The following SEC14L1 variants were observed in gnomAD, a reference collection of about 807,000 sequenced individuals.
SEC14L1 encodes the protein SEC14-like protein 1.
A neutral mutation model predicts 85.3 loss-of-function variants in SEC14L1; 48 were observed. That is an observed-to-expected ratio of 0.56 (90% CI 0.45 to 0.72). The LOEUF (loss-of-function observed/expected upper bound fraction) is 0.72. Ranked by LOEUF, SEC14L1 falls within the 30% of genes least tolerant of loss-of-function variation. SEC14L1 has a pLI of 0.00. For missense variants in SEC14L1, 682 were observed against 921.4 expected, an observed-to-expected ratio of 0.74 and a Z score of 3.36; for synonymous variants, 391 against 355.5, an observed-to-expected ratio of 1.10 and a Z score of -1.12.
intron 8 of SEC14L1, chr17:77,199,039 C>G (rs190354412): frequency 7.4e-6 from 1 of 135,340 alleles, no homozygotes; most frequent in East Asian, 2.3e-4. Context: ...GAGTTTCGCT[C>G]TTGTTGCCCA....
Position 77,166,524 on chromosome 17 carries a change from A to G in SEC14L1, c.63+22865A>G, listed in dbSNP as rs537822308. Among the ~76,000 whole-genome samples, 12 of 152,234 alleles carry G rather than the reference A, an allele frequency of 7.9e-5. No homozygotes were observed. The East Asian group carries it at 2.3e-3, about 29-fold the overall frequency. ...GTTTTCTCATTTTAAAATGGGAGAA[A>G]CACTTATGTCATGGAAAGATGAGAC... On this transcript the variant is annotated intron_variant, in intron 3 of 16. Coordinates refer to ENST00000436233, the MANE Select transcript of SEC14L1 (RefSeq NM_001143998.2).
At chr17:77,172,173 A>T (rs1974548787) in intron 3 of SEC14L1, among the ~76,000 whole-genome samples, 1 of 152,102 alleles carries the variant, frequency 6.6e-6, no homozygotes, top group African/African-American at 2.4e-5. Flanking sequence ...CTCCTGAATC[A>T]ATGAAAAAGG....
In SEC14L1 at chr17:77,205,104, T is replaced by G. The variant is rs1052727040; in HGVS notation, c.1099-172T>G. 4 of 585,834 alleles carry G rather than the reference T, an allele frequency of 6.8e-6. No homozygotes were observed. In the South Asian group the frequency reaches 8.6e-5, roughly 13 times the overall value. The allele number at this position is 585,834 out of a possible 1,614,324, so 36.3% of individuals were successfully genotyped here. A position where few individuals can be genotyped will look rare whatever the true frequency, so the allele number is the denominator to read the frequency against. Reference sequence around the variant, plus strand: ...CTCTTTCAAAAGTAGAATTTATTTGTTGGTGGTGATGTGTTTAGCGCATGT... The same window carrying G: ...CTCTTTCAAAAGTAGAATTTATTTGGTGGTGGTGATGTGTTTAGCGCATGT... On this transcript the variant is annotated intron_variant, in intron 10 of 16. Transcript: ENST00000436233.
chr17:77,149,704 T>C (rs1044667112), intron 3 of SEC14L1, among the ~76,000 whole-genome samples: 3 of 152,032 alleles, frequency 2.0e-5, no homozygotes, highest in African/African-American at 7.2e-5. Context: ...GTTTCAAAAA[T>C]AAATAAGGAA....
intron 3 of SEC14L1, among the ~76,000 whole-genome samples, chr17:77,176,238 C>T (rs904161873): frequency 1.3e-5 from 2 of 151,710 alleles, no homozygotes; most frequent in South Asian, 2.1e-4. Flanking sequence ...TGCAGCGAGC[C>T]GAGATCATGC....
intron 3 of SEC14L1, among the ~76,000 whole-genome samples, chr17:77,179,629 A>G (rs887199826): frequency 2.0e-5 from 3 of 152,166 alleles, no homozygotes; most frequent in East Asian, 1.9e-4. Flanking sequence ...TTTAAGCTTT[A>G]TATGTGTTTG....
At chr17:77,136,381 C>T (rs918706970), upstream of SEC14L1, among the ~76,000 whole-genome samples, 1 of 149,824 alleles carries the variant, frequency 6.7e-6, no homozygotes, top group Non-Finnish European at 1.5e-5. Flanking sequence ...TCTTTCCTTC[C>T]TCCTTCTTTC....
intron 8 of SEC14L1, chr17:77,199,226 A>T (rs150385610): frequency 2.8e-4 from 42 of 149,740 alleles, no homozygotes; most frequent in African/African-American, 1.0e-3. Context: ...CTGGTCTTGA[A>T]CTCCTGACCT....
chr17:77,195,737 C>T (rs1975778098), intron 7 of SEC14L1, among the ~76,000 whole-genome samples: 1 of 152,172 alleles, frequency 6.6e-6, no homozygotes, highest in Non-Finnish European at 1.5e-5. Flanking sequence ...ATCTGGCCAC[C>T]TCAGCCTCCT....
intron 6 of SEC14L1, among the ~76,000 whole-genome samples, chr17:77,194,182 TAAAC>T (rs1399523452): frequency 2.6e-5 from 4 of 152,186 alleles, no homozygotes; most frequent in African/African-American, 4.8e-5. Flanking sequence ...ACAAGTAAAA[TAAAC>T]AAAAACACAG....
intron 3 of SEC14L1, among the ~76,000 whole-genome samples, chr17:77,129,076 T>TTG (rs1336282405): frequency 2.6e-5 from 4 of 152,216 alleles, no homozygotes; most frequent in African/African-American, 9.6e-5. Flanking sequence ...ATATAGACGA[T>TTG]GTTGCTGGCA....
In SEC14L1 at chr17:77,215,862, G is replaced by T. The variant is rs1977022455; in HGVS notation, c.*1839G>T. The stretch of plus-strand genomic sequence containing the variant: ...GCTAGTAGGTAGGGTTAGTAGGTAG[G>T]GTTCGTAGGTAGGGTTCGTAGGTAG... On this transcript the variant is annotated 3_prime_UTR_variant, in exon 17 of 17. Transcript: ENST00000436233. 4 of 974,044 alleles carry T rather than the reference G, an allele frequency of 4.1e-6. No homozygotes were observed. Among genetic ancestry groups the T allele is most frequent in the Non-Finnish European group, 4.9e-6 (4 of 824,204 alleles). 60.3% of individuals were successfully genotyped at this position (974,044 alleles called of 1,614,324 possible). A position where few individuals can be genotyped will look rare whatever the true frequency, so the allele number is the denominator to read the frequency against.
chr17:77,209,770 T>G lies in SEC14L1; in HGVS notation c.1611+294T>G, dbSNP rs543535181. 7.6e-5 allele frequency: 21 copies of G among 276,688 alleles called. No individual in the cohort carries two copies. The South Asian group carries it at 1.7e-3, about 23-fold the overall frequency. The allele number at this position is 276,688 out of a possible 1,614,324, so 17.1% of individuals were successfully genotyped here. On this transcript the variant is annotated intron_variant, in intron 14 of 16. Coordinates refer to ENST00000436233, the MANE Select transcript of SEC14L1 (RefSeq NM_001143998.2). ...AACACAGAGATAGGAATAGCTAATCTTTCCTTGTTGGAGCACTTAACTCCT... is the reference window on the plus strand; with the variant it reads ...AACACAGAGATAGGAATAGCTAATCGTTCCTTGTTGGAGCACTTAACTCCT...
In SEC14L1 at chr17:77,190,880, C is replaced by T. The variant is rs1049417; in HGVS notation, c.141C>T (p.Ser47=). ...VGSDTVNEFK[S]EDGAIHVIER... The stretch of plus-strand genomic sequence containing the variant: ...GTGACACTGTGAATGAATTCAAGAG[C>T]GAAGATGGGGCTATTCATGTCATTG... The change falls in exon 4 of 17, where the codon AGC becomes AGT. Residue 47 remains serine (S), a synonymous_variant. Transcript: ENST00000436233. 9.9e-4 allele frequency: 1,603 copies of T among 1,614,114 alleles called. 35 individuals carry two copies. In the South Asian group the frequency reaches 0.016, roughly 16 times the overall value.
At chr17:77,153,844 T>A (rs898044876) in intron 3 of SEC14L1, among the ~76,000 whole-genome samples, 95 of 152,360 alleles carry the variant, frequency 6.2e-4, no homozygotes, top group Non-Finnish European at 1.3e-4. Context: ...GCAGATGTTA[T>A]AATTGATCCA....
chr17:77,200,215 T>A lies in SEC14L1; in HGVS notation c.820-269T>A, dbSNP rs558192703. On this transcript the variant is annotated intron_variant, in intron 8 of 16. Transcript: ENST00000436233. The stretch of plus-strand genomic sequence containing the variant: ...GGGTCTTATTCCCTTAGCAACTTTT[T>A]TTTTAGGGCAGTAATGTGATCTCGG... Among the ~76,000 whole-genome samples, 390 of 152,222 alleles carry A rather than the reference T, an allele frequency of 2.6e-3. 3 individuals carry two copies. The highest frequency in any genetic ancestry group is 4.4e-3 in the South Asian group (21 of 4,818).
intron 3 of SEC14L1, among the ~76,000 whole-genome samples, chr17:77,186,709 C>T (rs796271679): frequency 3.3e-5 from 5 of 152,326 alleles, no homozygotes; most frequent in African/African-American, 1.2e-4. Flanking sequence ...TCTAGTCCTT[C>T]TGGGATCTTG....
intron 3 of SEC14L1, among the ~76,000 whole-genome samples, chr17:77,179,815 C>G (rs1269009169): frequency 6.6e-6 from 1 of 151,894 alleles, no homozygotes; most frequent in Non-Finnish European, 1.5e-5. Flanking sequence ...GCTGGGACTA[C>G]AGGCGCCCGC....
intron 3 of SEC14L1, among the ~76,000 whole-genome samples, chr17:77,173,489 T>G (rs1393326339): frequency 6.6e-6 from 1 of 151,954 alleles, no homozygotes; most frequent in Non-Finnish European, 1.5e-5. Flanking sequence ...TTCTATAGGG[T>G]AAGTAGTTTC....
Sources: allele counts gnomAD v4.1 joint callset (sites outside exome capture counted in the v4.1 genomes callset), GRCh38; gene constraint gnomAD v4.1.1; transcripts MANE v1.5; gene names NCBI Gene and HGNC (gene_info 2026-07-23, HGNC 2026-07-21).